CTBP2: variants seen among roughly 807,000 people sequenced by gnomAD.
CTBP2 encodes C-terminal binding protein 2.
CTBP2 carries 30 observed loss-of-function variants against 80.3 expected under a neutral mutation model. The observed-to-expected ratio is 0.37, with a 90% CI of 0.28 to 0.51. The LOEUF (loss-of-function observed/expected upper bound fraction) is 0.51. Ranked by LOEUF, CTBP2 falls within the 20% of genes least tolerant of loss-of-function variation. The pLI is 0.93. For missense variants in CTBP2, 1,212 were observed against 1,375.3 expected (o/e 0.88, Z 1.88); for synonymous variants, 594 against 587.4 (o/e 1.01, Z -0.16).
In CTBP2 at chr10:125,073,058, C is replaced by T. The variant is rs1490746508; in HGVS notation, c.-101-33903G>A. On this transcript the variant is annotated intron_variant, in intron 2 of 10. Coordinates refer to the CTBP2 transcript ENST00000337195. Reference sequence around the variant, plus strand: ...ACACAGTGTCAGAGAAAGCTAACAGCCACAGCAGTTCCACGCCGGCTCGCC... The same window carrying T: ...ACACAGTGTCAGAGAAAGCTAACAGTCACAGCAGTTCCACGCCGGCTCGCC... Among the ~76,000 whole-genome samples the T allele has an allele frequency of 5.9e-5, 9 of 152,372 alleles. 1 individual carries two copies. In the South Asian group the frequency reaches 1.4e-3, roughly 25 times the overall value.
At chr10:125,082,276 A>T (rs1590635580) in intron 2 of CTBP2, among the ~76,000 whole-genome samples, 1 of 152,296 alleles carries the variant, frequency 6.6e-6, no homozygotes, top group South Asian at 2.1e-4. Flanking sequence ...CTCGCCTTGG[A>T]GATGTGGCCA....
chr10:125,161,883 G>A (rs962879388), upstream of CTBP2, among the ~76,000 whole-genome samples: 12 of 152,308 alleles, frequency 7.9e-5, no homozygotes, highest in African/African-American at 2.9e-4. Flanking sequence ...ACGCCGTCCT[G>A]ACGTCTCAAG....
chr10:125,024,126 G>A (rs555766308), intron 1 of CTBP2, among the ~76,000 whole-genome samples: 6 of 152,186 alleles, frequency 3.9e-5, no homozygotes, highest in Non-Finnish European at 7.3e-5. Context: ...TGCTGGCTCC[G>A]ACAGATCCAA....
At chr10:125,043,744 C>T (rs1038961306) in intron 2 of CTBP2, among the ~76,000 whole-genome samples, 6 of 152,286 alleles carry the variant, frequency 3.9e-5, no homozygotes, top group African/African-American at 9.6e-5. Flanking sequence ...CCGACCCTCT[C>T]GATTTCTTGA....
intron 1 of CTBP2, among the ~76,000 whole-genome samples, chr10:125,145,494 C>T (rs912134307): frequency 6.6e-6 from 1 of 152,144 alleles, no homozygotes; most frequent in Non-Finnish European, 1.5e-5. Context: ...TCCCTTGGGG[C>T]AGGGTAGGGC....
chr10:125,067,885 C>T (rs1438343877), intron 2 of CTBP2, among the ~76,000 whole-genome samples: 1 of 152,172 alleles, frequency 6.6e-6, no homozygotes, highest in African/African-American at 2.4e-5. Flanking sequence ...GCAGTGTCTG[C>T]CCAAGAAGCC....
intron 1 of CTBP2, among the ~76,000 whole-genome samples, chr10:125,006,983 C>T (rs1320004669): frequency 6.6e-6 from 1 of 152,242 alleles, no homozygotes; most frequent in African/African-American, 2.4e-5. Flanking sequence ...CTTCACAGCC[C>T]GGGAGTCAGC....
At chr10:125,122,733 CA>C (rs1564972907) in intron 1 of CTBP2, 1 of 152,204 alleles carries the variant, frequency 6.6e-6, no homozygotes, top group African/African-American at 2.4e-5. Context: ...AATACGACCC[CA>C]TGGACATCTG....
At chr10:125,137,333 C>T (rs1338721083) in intron 1 of CTBP2, among the ~76,000 whole-genome samples, 1 of 152,184 alleles carries the variant, frequency 6.6e-6, no homozygotes, top group African/African-American at 2.4e-5. Flanking sequence ...GCCTTATTTC[C>T]CAAGGGGCCT....
chr10:125,059,814 A>G (rs17710998), intron 2 of CTBP2, among the ~76,000 whole-genome samples: 6,379 of 151,812 alleles, frequency 0.042, 177 homozygotes, highest in Non-Finnish European at 0.056. Context: ...GGAATCTGTC[A>G]GCTTGTCAGC....
intron 1 of CTBP2, among the ~76,000 whole-genome samples, chr10:125,132,565 G>A (rs1275571221): frequency 6.6e-6 from 1 of 152,144 alleles, no homozygotes; most frequent in African/African-American, 2.4e-5. Flanking sequence ...ACCTGGTAGA[G>A]TCCTAATCCC....
At chr10:125,016,874 C>G (rs1264460623) in intron 1 of CTBP2, among the ~76,000 whole-genome samples, 2 of 152,188 alleles carry the variant, frequency 1.3e-5, no homozygotes, top group Non-Finnish European at 2.9e-5. Flanking sequence ...CATATTTATT[C>G]CTTCATATAA....
At chr10:125,038,880 G>A in intron 3 of CTBP2, 117 bp downstream of exon 3, 2 of 1,005,792 alleles carry the variant, frequency 2.0e-6, no homozygotes, top group Non-Finnish European at 1.5e-6. Flanking sequence ...TGCAGTGTTG[G>A]AATCGGAGGA....
chr10:124,993,027 C>T (rs1222773449), intron 7 of CTBP2, among the ~76,000 whole-genome samples, 175 bp downstream of exon 9: 1 of 152,190 alleles, frequency 6.6e-6, no homozygotes, highest in Non-Finnish European at 1.5e-5. Context: ...GGAATGGTTC[C>T]CTCTGTGAAG....
intron 2 of CTBP2, among the ~76,000 whole-genome samples, chr10:125,094,061 T>C (rs942115148): frequency 6.6e-6 from 1 of 152,330 alleles, no homozygotes; most frequent in Admixed American, 6.5e-5. Flanking sequence ...AAAGGACAGA[T>C]GGGACTTTCC....
chr10:125,061,087 C>G (rs1964885663), intron 2 of CTBP2, among the ~76,000 whole-genome samples: 2 of 152,196 alleles, frequency 1.3e-5, no homozygotes, highest in African/African-American at 4.8e-5. Flanking sequence ...CTGGTATGTA[C>G]CATTTTATTT....
chr10:125,128,703 T>G (rs954444175), intron 1 of CTBP2, among the ~76,000 whole-genome samples: 2 of 152,212 alleles, frequency 1.3e-5, no homozygotes, highest in East Asian at 3.8e-4. Context: ...AATAGCTGAC[T>G]TCCATACATG....
chr10:125,134,096 C>T (rs1221406991), intron 1 of CTBP2, among the ~76,000 whole-genome samples: 1 of 152,240 alleles, frequency 6.6e-6, no homozygotes, highest in African/African-American at 2.4e-5. Flanking sequence ...TTCCGAAGTC[C>T]TGTCCTGGAG....
In CTBP2 at chr10:125,002,981, T is replaced by C. The variant is rs1455608344; in HGVS notation, c.1957A>G (p.Ile653Val). The C allele has an allele frequency of 9.3e-6, 15 of 1,613,302 alleles. No homozygotes were observed. The highest frequency in any genetic ancestry group is 1.3e-5 in the Non-Finnish European group (15 of 1,179,964). The stretch of plus-strand genomic sequence containing the variant: ...TCACCGAGCTCGCCGGCAGCCTTGA[T>C]GTCCACGTTGTCATAGCCACTGCCT... The change falls in exon 3 of 9, where the codon ATC becomes GTC. Residue 653 changes from isoleucine (I) to valine (V), a missense_variant. Around this residue, in one of 3 missense-constraint regions of CTBP2, gnomAD observed 335 missense variants for 504.7 expected, o/e 0.66. Coordinates refer to ENST00000309035, the MANE Select transcript of CTBP2 (RefSeq NM_022802.3).
Sources: allele counts gnomAD v4.1 joint callset (sites outside exome capture counted in the v4.1 genomes callset), GRCh38; gene constraint gnomAD v4.1.1; regional missense constraint gnomAD v4.1.1; transcripts MANE v1.5; gene names NCBI Gene and HGNC (gene_info 2026-07-23, HGNC 2026-07-21).